UBE2L3: variants seen among roughly 807,000 people sequenced by gnomAD.
UBE2L3 encodes ubiquitin-conjugating enzyme E2 L3.
In UBE2L3, 1 loss-of-function variant was observed where a neutral mutation model predicts 17.8. The ratio of observed to expected loss-of-function variants is 0.06; its 90% confidence interval spans 0.02 to 0.27. The LOEUF is 0.27. UBE2L3 is among the 10% of genes least tolerant of loss of function. UBE2L3 has a pLI of 1.00. For synonymous variants in UBE2L3, 44 were observed against 68.5 expected, an observed-to-expected ratio of 0.64 and a Z score of 1.76; for missense variants, 40 against 192.6, an observed-to-expected ratio of 0.21 and a Z score of 4.69.
chr22:21,581,318 A>T (rs1927624394), intron 1 of UBE2L3, among the ~76,000 whole-genome samples: 1 of 150,286 alleles, frequency 6.7e-6, no homozygotes, highest in South Asian at 2.1e-4. Context: ...TGGCTTCCCA[A>T]AGTGCTGGGA....
chr22:21,620,971 CA>C (rs1296247994), intron 3 of UBE2L3, among the ~76,000 whole-genome samples: 3 of 152,124 alleles, frequency 2.0e-5, no homozygotes, highest in African/African-American at 7.2e-5. Flanking sequence ...GCAGTCAGTT[CA>C]ATACTAGGCC....
At chr22:21,580,135 C>A (rs952830508) in intron 1 of UBE2L3, among the ~76,000 whole-genome samples, 1 of 152,182 alleles carries the variant, frequency 6.6e-6, no homozygotes, top group Non-Finnish European at 1.5e-5. Context: ...ACAGGAAAAC[C>A]TGCTCTGTCC....
rs201000210 is a variant in UBE2L3 at position 21,587,199 on chromosome 22, CT to C, written c.28-5652del. ...CCACGCCTGGCGCTGGCATAGATTCCTTTTTTTTTTGAGACGAAGTCTTGCT... is the reference window on the plus strand; with the variant it reads ...CCACGCCTGGCGCTGGCATAGATTCCTTTTTTTTTGAGACGAAGTCTTGCT... On this transcript the variant is annotated intron_variant, in intron 1 of 3. Transcript: ENST00000342192. Among the ~76,000 whole-genome samples the C allele has an allele frequency of 6.9e-5, 10 of 145,960 alleles. No individual in the cohort carries two copies. The South Asian group carries it at 8.7e-4, about 13-fold the overall frequency.
At chr22:21,584,938 A>G (rs1030054107) in intron 1 of UBE2L3, among the ~76,000 whole-genome samples, 3 of 152,156 alleles carry the variant, frequency 2.0e-5, no homozygotes, top group African/African-American at 7.2e-5. Context: ...TCCAGCCTGG[A>G]GAGCGAGACT....
chr22:21,562,384 T>C (rs946239624), intron 1 of UBE2L3, among the ~76,000 whole-genome samples: 3 of 148,922 alleles, frequency 2.0e-5, no homozygotes, highest in Non-Finnish European at 4.5e-5. Context: ...TTCTTTTTTT[T>C]TTTTTGAGAC....
At chr22:21,561,507 A>G (rs1926429423) in intron 1 of UBE2L3, among the ~76,000 whole-genome samples, 1 of 152,284 alleles carries the variant, frequency 6.6e-6, no homozygotes, top group African/African-American at 2.4e-5. Context: ...ACTTGAGTAC[A>G]GGAGGTTGAG....
chr22:21,597,775 A>ATTTTTTTTTTTTTTTTTTTTTTTTTTTTT lies in UBE2L3; in HGVS notation c.123+4823_123+4851dup, dbSNP rs35054754. ...GGATCTTTGATCCATTTATATGTAG[A>ATTTTTTTTTTTTTTTTTTTTTTTTTTTTT]TTTTTTTTTTTTTTTTTTTTTTTTT... On this transcript the variant is annotated intron_variant, in intron 2 of 3. Transcript: ENST00000342192. 1.6e-4 allele frequency among the ~76,000 whole-genome samples: 4 copies of ATTTTTTTTTTTTTTTTTTTTTTTTTTTTT among 25,600 alleles called. 2 individuals are homozygous for ATTTTTTTTTTTTTTTTTTTTTTTTTTTTT. The highest frequency in any genetic ancestry group is 2.8e-4 in the Non-Finnish European group (4 of 14,436). 16.8% of individuals were successfully genotyped at this position (25,600 alleles called of 152,430 possible).
chr22:21,607,850 C>G (rs921340630), intron 2 of UBE2L3, among the ~76,000 whole-genome samples: 1 of 152,144 alleles, frequency 6.6e-6, no homozygotes, highest in South Asian at 2.1e-4. Context: ...AGGGTCCAGC[C>G]ATTGAGCTGA....
At chr22:21,584,178 A>ATTT (rs374588807) in intron 1 of UBE2L3, among the ~76,000 whole-genome samples, 1 of 132,752 alleles carries the variant, frequency 7.5e-6, no homozygotes, top group African/African-American at 2.8e-5. Flanking sequence ...TCTGGCCTAA[A>ATTT]TTTTTTTTTT....
chr22:21,595,211 C>G (rs1211764037), intron 2 of UBE2L3, among the ~76,000 whole-genome samples: 1 of 152,234 alleles, frequency 6.6e-6, no homozygotes, highest in African/African-American at 2.4e-5. Flanking sequence ...GCTCTTGTCC[C>G]TGTGTATACC....
intron 1 of UBE2L3, among the ~76,000 whole-genome samples, chr22:21,583,878 A>T (rs954161632): frequency 6.7e-6 from 1 of 150,206 alleles, no homozygotes; most frequent in African/African-American, 2.4e-5. Context: ...TTAAATTTTA[A>T]TTTTTTTTTT....
chr22:21,613,155 C>G (rs1929594390), intron 3 of UBE2L3, among the ~76,000 whole-genome samples: 1 of 152,150 alleles, frequency 6.6e-6, no homozygotes, highest in African/African-American at 2.4e-5. Flanking sequence ...TACCTGTAGA[C>G]TGAGAGGGTG....
intron 2 of UBE2L3, among the ~76,000 whole-genome samples, chr22:21,600,318 A>C (rs1245221822): frequency 6.6e-6 from 1 of 152,146 alleles, no homozygotes; most frequent in Non-Finnish European, 1.5e-5. Flanking sequence ...CATCTAAAAA[A>C]ACAAAACAAA....
At chr22:21,600,084 A>G (rs1377780640) in intron 2 of UBE2L3, among the ~76,000 whole-genome samples, 1 of 145,846 alleles carries the variant, frequency 6.9e-6, no homozygotes, top group Admixed American at 6.8e-5. Context: ...GGCCGAGGCA[A>G]GTGGATCACC....
At chr22:21,567,954 G>T in intron 1 of UBE2L3, 183 bp downstream of exon 1, 1 of 1,394,368 alleles carries the variant, frequency 7.2e-7, no homozygotes, top group Middle Eastern at 2.7e-4. Flanking sequence ...CGCAGCCTGG[G>T]CGGGAGCGCA....
chr22:21,570,577 TACTC>T, intron 1 of UBE2L3, among the ~76,000 whole-genome samples: 1 of 152,190 alleles, frequency 6.6e-6, no homozygotes, highest in African/African-American at 2.4e-5. Flanking sequence ...CTGTCTTTCT[TACTC>T]AAAGGCTGCA....
chr22:21,581,454 T>C (rs1299679831), intron 1 of UBE2L3, among the ~76,000 whole-genome samples: 7 of 152,080 alleles, frequency 4.6e-5, no homozygotes, highest in Non-Finnish European at 8.8e-5. Flanking sequence ...CTTCCCAAAA[T>C]GCTGGGATTA....
intron 1 of UBE2L3, among the ~76,000 whole-genome samples, chr22:21,582,271 A>G (rs1927683652): frequency 6.6e-6 from 1 of 151,694 alleles, no homozygotes; most frequent in South Asian, 2.1e-4. Context: ...TTCTAGCTGT[A>G]GAAATGACAC....
intron 1 of UBE2L3, among the ~76,000 whole-genome samples, chr22:21,571,684 G>A (rs2148400908): frequency 6.6e-6 from 1 of 152,310 alleles, no homozygotes; most frequent in Middle Eastern, 3.4e-3. Context: ...TTACAGGTGT[G>A]AGCCACTGCG....
Sources: allele counts gnomAD v4.1 joint callset (sites outside exome capture counted in the v4.1 genomes callset), GRCh38; gene constraint gnomAD v4.1.1; transcripts MANE v1.5; gene names NCBI Gene and HGNC (gene_info 2026-07-23, HGNC 2026-07-21).